DENND2B: variants seen among roughly 807,000 people sequenced by gnomAD.
DENND2B encodes DENN domain containing 2B, also known as DENN domain-containing protein 2B.
In DENND2B, 32 loss-of-function variants were observed where a neutral mutation model predicts 116.0. The observed-to-expected ratio is 0.28, with a 90% CI of 0.21 to 0.37. DENND2B has a LOEUF of 0.37. Among genes scored for constraint, DENND2B ranks in the 10% least tolerant of loss-of-function variants. DENND2B has a pLI of 1.00. For missense variants in DENND2B, 1,276 were observed against 1,477.7 expected, an observed-to-expected ratio of 0.86 and a Z score of 2.24; for synonymous variants, 588 against 583.9, an observed-to-expected ratio of 1.01 and a Z score of -0.10.
chr11:8,737,328 A>G (rs1335972978), intron 2 of DENND2B, among the ~76,000 whole-genome samples: 1 of 152,196 alleles, frequency 6.6e-6, no homozygotes, highest in Non-Finnish European at 1.5e-5. Context: ...ACCGATTGAG[A>G]AGAGGATTTA....
intron 1 of DENND2B, among the ~76,000 whole-genome samples, chr11:8,893,631 T>G (rs1361916610): frequency 6.6e-6 from 1 of 152,106 alleles, no homozygotes; most frequent in Non-Finnish European, 1.5e-5. Flanking sequence ...AAATCATGAG[T>G]GAACTCCCAT....
At chr11:8,814,241 A>G (rs1286665270), upstream of DENND2B, among the ~76,000 whole-genome samples, 1 of 149,686 alleles carries the variant, frequency 6.7e-6, no homozygotes, top group Non-Finnish European at 1.5e-5. Flanking sequence ...CTCCCCTCAC[A>G]AAGTCATTAG....
At chr11:8,795,131 A>G (rs2059705870) in intron 1 of DENND2B, among the ~76,000 whole-genome samples, 1 of 152,234 alleles carries the variant, frequency 6.6e-6, no homozygotes, top group South Asian at 2.1e-4. Flanking sequence ...AAATCAGACA[A>G]GCATCTGTTT....
intron 3 of DENND2B, among the ~76,000 whole-genome samples, chr11:8,851,410 A>C: frequency 6.6e-6 from 1 of 152,236 alleles, no homozygotes; most frequent in East Asian, 1.9e-4. Context: ...GCTCCATAGC[A>C]ATCCAAGAAA....
At chr11:8,700,548 G>T (rs1345665656) in intron 14 of DENND2B, among the ~76,000 whole-genome samples, 1 of 152,024 alleles carries the variant, frequency 6.6e-6, no homozygotes, top group Admixed American at 6.6e-5. Context: ...TCATACATAC[G>T]GAAGGAAATA....
At chr11:8,834,370 T>G (rs987537395) in intron 4 of DENND2B, among the ~76,000 whole-genome samples, 13 of 152,204 alleles carry the variant, frequency 8.5e-5, no homozygotes, top group Admixed American at 2.6e-4. Context: ...TGATACAGCA[T>G]TGCAACAAGA....
intron 3 of DENND2B, among the ~76,000 whole-genome samples, chr11:8,840,775 C>T (rs2062596776): frequency 6.6e-6 from 1 of 152,188 alleles, no homozygotes; most frequent in Non-Finnish European, 1.5e-5. Context: ...GCAGCCCCTT[C>T]CTGCAGCCCT....
intron 1 of DENND2B, among the ~76,000 whole-genome samples, chr11:8,777,072 C>A (rs2057818945): frequency 6.6e-6 from 1 of 152,128 alleles, no homozygotes. Context: ...TCTTGCATAC[C>A]TTCTAAATTA....
At chr11:8,699,746 T>A (rs553172150) in intron 14 of DENND2B, 1 of 429,710 alleles carries the variant, frequency 2.3e-6, no homozygotes, top group Admixed American at 2.6e-5. Context: ...GGCCAGTGAA[T>A]GCAGATCGTG....
intron 1 of DENND2B, chr11:8,766,663 C>A (rs574430863): frequency 1.6e-6 from 2 of 1,289,252 alleles, no homozygotes; most frequent in African/African-American, 3.0e-5. Flanking sequence ...GGGTTTCTTG[C>A]CAGCTATGCG....
chr11:8,882,056 C>T (rs781609254), intron 1 of DENND2B, among the ~76,000 whole-genome samples: 10 of 152,044 alleles, frequency 6.6e-5, no homozygotes, highest in Non-Finnish European at 1.2e-4. Context: ...TATCTACTTG[C>T]ATGGTTTCAA....
At chr11:8,867,841 C>A (rs1487466113) in intron 2 of DENND2B, among the ~76,000 whole-genome samples, 2 of 152,018 alleles carry the variant, frequency 1.3e-5, no homozygotes, top group African/African-American at 4.8e-5. Context: ...CCTCTGCCTC[C>A]CAAAATGCTG....
intron 1 of DENND2B, among the ~76,000 whole-genome samples, chr11:8,899,878 A>C (rs2064143327): frequency 6.6e-6 from 1 of 152,246 alleles, no homozygotes; most frequent in Admixed American, 6.5e-5. Flanking sequence ...CAATAATTGT[A>C]ACACTGTCTT....
intron 4 of DENND2B, 48 bp from the exon 5 acceptor site, chr11:8,717,940 C>G (rs2045250591): frequency 6.3e-7 from 1 of 1,578,000 alleles, no homozygotes; most frequent in South Asian, 1.1e-5. Context: ...AAGAAGGAAA[C>G]ACACGAACTC....
At chr11:8,829,650 C>T (rs1443276118) in intron 4 of DENND2B, among the ~76,000 whole-genome samples, 1 of 152,096 alleles carries the variant, frequency 6.6e-6, no homozygotes, top group Non-Finnish European at 1.5e-5. Flanking sequence ...GTTATCCAGC[C>T]AGACGGACTT....
chr11:8,761,769 G>A (rs2054682553), intron 1 of DENND2B, among the ~76,000 whole-genome samples: 1 of 152,108 alleles, frequency 6.6e-6, no homozygotes, highest in East Asian at 1.9e-4. Context: ...TCCACAAGCT[G>A]CACCTTCTCC....
intron 4 of DENND2B, among the ~76,000 whole-genome samples, chr11:8,822,587 T>C (rs892905967): frequency 1.3e-5 from 2 of 152,248 alleles, no homozygotes; most frequent in African/African-American, 4.8e-5. Context: ...GATTTAAAAC[T>C]GTCAGTCAAC....
chr11:8,789,372 A>C (rs528861178), intron 1 of DENND2B, among the ~76,000 whole-genome samples: 9 of 152,334 alleles, frequency 5.9e-5, no homozygotes, highest in African/African-American at 2.2e-4. Flanking sequence ...CTTACGTGCA[A>C]GATTAATGGG....
chr11:8,696,272 GAGA>G (rs1305760562), intron 18 of DENND2B, among the ~76,000 whole-genome samples, 152 bp downstream of exon 18: 2 of 152,224 alleles, frequency 1.3e-5, no homozygotes, highest in African/African-American at 4.8e-5. Context: ...GGGGCCGGAG[GAGA>G]AGAATGCTAC....
Sources: allele counts gnomAD v4.1 joint callset (sites outside exome capture counted in the v4.1 genomes callset), GRCh38; gene constraint gnomAD v4.1.1; transcripts MANE v1.5; gene names NCBI Gene and HGNC (gene_info 2026-07-23, HGNC 2026-07-21).